SERPINB7: variants seen among roughly 807,000 people sequenced by gnomAD.
SERPINB7 encodes serpin family B member 7.
In SERPINB7, 31 loss-of-function variants were observed where a neutral mutation model predicts 37.4. The ratio of observed to expected loss-of-function variants is 0.83; its 90% CI spans 0.62 to 1.12. The LOEUF (loss-of-function observed/expected upper bound fraction) is 1.12, where lower values mean the gene tolerates loss of function less well. SERPINB7 is among the 50% of genes most tolerant of loss of function. SERPINB7 has a pLI of 0.00. For missense variants in SERPINB7, 521 were observed against 455.3 expected, an observed-to-expected ratio of 1.14 and a Z score of -1.31; for synonymous variants, 163 against 166.1, an observed-to-expected ratio of 0.98 and a Z score of 0.14.
At chr18:63,762,284 T>G (rs1340756065) in intron 1 of SERPINB7, among the ~76,000 whole-genome samples, 2 of 152,154 alleles carry the variant, frequency 1.3e-5, no homozygotes, top group East Asian at 3.8e-4. Flanking sequence ...AAAGGGCAAA[T>G]TTATTAAAAT....
At chr18:63,800,359 G>A (rs928978971) in intron 6 of SERPINB7, among the ~76,000 whole-genome samples, 4 of 152,068 alleles carry the variant, frequency 2.6e-5, no homozygotes, top group Non-Finnish European at 5.9e-5. Context: ...ACAGCGCCTG[G>A]TCTTAAATCA....
chr18:63,804,785 C>G lies in SERPINB7; in HGVS notation c.*150C>G, dbSNP rs1259674859. Reference sequence around the variant, plus strand: ...CAGCAGATGACACTGGTGACTTGACCCTTCCTAGACACCTGGTTGATTGTC... The same window carrying G: ...CAGCAGATGACACTGGTGACTTGACGCTTCCTAGACACCTGGTTGATTGTC... On this transcript the variant is annotated 3_prime_UTR_variant, in exon 8 of 8. Coordinates refer to ENST00000398019, the MANE Select transcript of SERPINB7 (RefSeq NM_003784.4). 4.0e-5 allele frequency: 28 copies of G among 701,164 alleles called. No homozygotes were observed. The highest frequency in any genetic ancestry group is 6.3e-5 in the Non-Finnish European group (27 of 429,642). The allele number at this position is 701,164 out of a possible 1,614,324, so 43.4% of individuals were successfully genotyped here.
chr18:63,804,245 C>A lies in SERPINB7; in HGVS notation c.753C>A (p.Asn251Lys). 6.5e-7 allele frequency: 1 copy of A among 1,550,074 alleles called. No individual in the cohort carries two copies. Among genetic ancestry groups the A allele is most frequent in the Non-Finnish European group, 8.7e-7 (1 of 1,153,708 alleles). ...CTGAATTATTTTTACAGATTGAAAA[C>A]AAACTGACCTTTCAGAATCTAATGG... ...LPENDLSEIENKLTFQNLMEW... is the reference protein window; with the variant it reads ...LPENDLSEIEKKLTFQNLMEW... The change falls in exon 8 of 8, where the codon AAC (asparagine) becomes AAA (lysine). Residue 251 changes from asparagine (N) to lysine (K), a missense_variant. Physicochemically the swap from Asn to Lys is moderately conservative, Grantham distance 94. Transcript: ENST00000398019.
chr18:63,793,695 C>G (rs1415282084), intron 4 of SERPINB7, among the ~76,000 whole-genome samples: 10 of 152,084 alleles, frequency 6.6e-5, no homozygotes, highest in Non-Finnish European at 8.8e-5. Flanking sequence ...GAGAAAGGGT[C>G]TCTCTATGTT....
intron 4 of SERPINB7, among the ~76,000 whole-genome samples, chr18:63,794,091 G>A (rs1309405032): frequency 6.8e-6 from 1 of 147,580 alleles, no homozygotes; most frequent in Non-Finnish European, 1.5e-5. Flanking sequence ...TTACAGGCAC[G>A]TGCCACCACA....
intron 2 of SERPINB7, among the ~76,000 whole-genome samples, chr18:63,789,396 C>G (rs962936678): frequency 2.0e-5 from 3 of 152,128 alleles, no homozygotes; most frequent in African/African-American, 7.2e-5. Context: ...TAGGATGAAA[C>G]AATTATAATG....
At position 63,792,442 on chromosome 18, in the gene SERPINB7, A is replaced by G. The variant is rs1236583241; in HGVS notation, c.218A>G (p.Gln73Arg). Residue 73 changes from glutamine to arginine, a missense_variant and splice_region_variant, in exon 3 of 8, where the codon CAG becomes CGG. Gln to Arg is a conservative substitution (Grantham distance 43, BLOSUM62 1). Coordinates refer to ENST00000398019, the MANE Select transcript of SERPINB7 (RefSeq NM_003784.4). ...GGATATGGAAACTCTTCTAATAGTC[A>G]GGTAAAGACAATATGTTCTTTTAGA... ...ASGYGNSSNSQSGLQSQLKRV... is the reference protein window; with the variant it reads ...ASGYGNSSNSRSGLQSQLKRV... 5.0e-6 allele frequency: 8 copies of G among 1,585,474 alleles called. No homozygotes were observed. In the South Asian group the frequency reaches 5.5e-5, roughly 11 times the overall value.
intron 1 of SERPINB7, among the ~76,000 whole-genome samples, chr18:63,760,289 C>T (rs1377841215): frequency 6.6e-6 from 1 of 152,096 alleles, no homozygotes; most frequent in Non-Finnish European, 1.5e-5. Flanking sequence ...ATTTGTGAAA[C>T]TTTGAACTTG....
At chr18:63,758,383 T>A (rs373289412) in intron 1 of SERPINB7, among the ~76,000 whole-genome samples, 1 of 152,294 alleles carries the variant, frequency 6.6e-6, no homozygotes, top group East Asian at 1.9e-4. Context: ...AGTGACTGAA[T>A]TTTTTACTGT....
At chr18:63,758,687 A>G (rs1048285878) in intron 1 of SERPINB7, among the ~76,000 whole-genome samples, 2 of 152,190 alleles carry the variant, frequency 1.3e-5, no homozygotes, top group Non-Finnish European at 2.9e-5. Context: ...TCTCTGCTAT[A>G]AAGCTTAAAA....
At chr18:63,780,440 G>C (rs1351606734) in intron 1 of SERPINB7, among the ~76,000 whole-genome samples, 2 of 151,982 alleles carry the variant, frequency 1.3e-5, no homozygotes, top group East Asian at 3.9e-4. Context: ...TTAAACATTT[G>C]AGGGCCTTTA....
At chr18:63,787,450 T>A (rs1027756319) in intron 2 of SERPINB7, among the ~76,000 whole-genome samples, 1 of 152,170 alleles carries the variant, frequency 6.6e-6, no homozygotes, top group African/African-American at 2.4e-5. Flanking sequence ...ATGTTAAATA[T>A]TTAAACTTAT....
At position 63,804,367 on chromosome 18, in the gene SERPINB7, G is replaced by C; in HGVS notation, c.875G>C (p.Arg292Thr). 6.2e-7 allele frequency: 1 copy of C among 1,613,678 alleles called. No individual in the cohort carries two copies. Among genetic ancestry groups the C allele is most frequent in the Admixed American group, 1.7e-5 (1 of 59,930 alleles). ...EKNYEMKQYL[R>T]ALGLKDIFDE... ...AATTATGAAATGAAACAATATTTGA[G>C]AGCCCTAGGGCTGAAAGATATCTTT... The change falls in exon 8 of 8, where the codon AGA becomes ACA. Residue 292 changes from arginine to threonine, a missense_variant. Arg to Thr is a moderately conservative substitution (Grantham distance 71, BLOSUM62 -1). Transcript: ENST00000398019.
intron 2 of SERPINB7, among the ~76,000 whole-genome samples, chr18:63,786,003 G>A (rs868795916): frequency 2.6e-5 from 3 of 115,232 alleles, no homozygotes; most frequent in Non-Finnish European, 3.7e-5. Flanking sequence ...TATAATATAC[G>A]TATATATACA....
chr18:63,797,364 G>T (rs1172049134), intron 5 of SERPINB7, among the ~76,000 whole-genome samples: 2 of 151,956 alleles, frequency 1.3e-5, no homozygotes, highest in Non-Finnish European at 1.5e-5. Context: ...TTCATAGTGG[G>T]TTACTTTGAT....
chr18:63,798,241 T>G (rs2049508790), intron 5 of SERPINB7, among the ~76,000 whole-genome samples: 1 of 152,218 alleles, frequency 6.6e-6, no homozygotes, highest in African/African-American at 2.4e-5. Flanking sequence ...GCCTAGTCAA[T>G]GCAGTAAAGG....
chr18:63,788,835 C>T (rs572164080), intron 2 of SERPINB7, among the ~76,000 whole-genome samples: 1 of 152,208 alleles, frequency 6.6e-6, no homozygotes, highest in Non-Finnish European at 1.5e-5. Flanking sequence ...CAGTAACATG[C>T]TATACAGGTT....
At chr18:63,796,498 T>C (rs1316951594) in intron 5 of SERPINB7, 115 bp downstream of exon 5, 2 of 575,328 alleles carry the variant, frequency 3.5e-6, no homozygotes, top group Admixed American at 2.8e-5. Context: ...TAGTTCAAAG[T>C]AATGATTGCT....
At chr18:63,755,717 AC>A (rs1271697130) in intron 1 of SERPINB7, among the ~76,000 whole-genome samples, 1 of 151,878 alleles carries the variant, frequency 6.6e-6, no homozygotes, top group Non-Finnish European at 1.5e-5. Context: ...ACATAGCAAG[AC>A]CCTGTCTCTA....
Sources: allele counts gnomAD v4.1 joint callset (sites outside exome capture counted in the v4.1 genomes callset), GRCh38; gene constraint gnomAD v4.1.1; transcripts MANE v1.5; gene names NCBI Gene and HGNC (gene_info 2026-07-23, HGNC 2026-07-21).